The following RPL9 variants were observed in gnomAD, a reference collection of about 807,000 sequenced individuals.
RPL9 encodes large ribosomal subunit protein uL6.
For missense variants in RPL9, 149 were observed against 236.7 expected (o/e 0.63, Z 2.43); for synonymous variants, 82 against 77.1 (o/e 1.06, Z -0.33).
At chr4:39,454,461 A>T in intron 7 of RPL9, 72 bp downstream of exon 7, 3 of 1,119,632 alleles carry the variant, frequency 2.7e-6, no homozygotes, top group Non-Finnish European at 3.8e-6. Context: ...AATTCAGTTT[A>T]AGTCTTTTAG....
intron 4 of RPL9, 168 bp from the exon 5 acceptor site, chr4:39,456,706 G>A: frequency 1.4e-6 from 1 of 725,064 alleles, no homozygotes; most frequent in Non-Finnish European, 2.3e-6. Context: ...TGTCTATTCA[G>A]TGGACTGTAA....
At chr4:39,456,595 T>C (rs979473539) in intron 4 of RPL9, 57 bp from the exon 5 acceptor site, 32 of 1,573,478 alleles carry the variant, frequency 2.0e-5, no homozygotes, top group Non-Finnish European at 2.4e-5. Flanking sequence ...TTTAATAGTT[T>C]TAAAATTTTC....
At chr4:39,454,454 T>C in intron 7 of RPL9, 79 bp downstream of exon 7, 1 of 1,049,356 alleles carries the variant, frequency 9.5e-7, no homozygotes, top group South Asian at 1.6e-5. Context: ...TACTACAAAT[T>C]CAGTTTAAGT....
rs28619925 is a variant in RPL9 at position 39,454,982 on chromosome 4, G to A, written c.392-38C>T. Reference sequence around the variant, plus strand: ...AGGGCATTTGCACAGCATCAAATCTGTGTAAAAAATATTTAAATTGCAGAG... The same window carrying A: ...AGGGCATTTGCACAGCATCAAATCTATGTAAAAAATATTTAAATTGCAGAG... On this transcript the variant is annotated intron_variant, in intron 5 of 7. Transcript: ENST00000295955. The A allele has an allele frequency of 1.3e-3, 2,023 of 1,563,524 alleles. 25 individuals carry two copies. The African/African-American group carries it at 0.025, about 19-fold the overall frequency.
In RPL9 at chr4:39,457,649, C is replaced by T. The variant is rs776591630; in HGVS notation, c.195G>A (p.Lys65=). The T allele has an allele frequency of 4.3e-6, 7 of 1,614,166 alleles. No individual in the cohort carries two copies. Among genetic ancestry groups the T allele is most frequent in the Non-Finnish European group, 5.1e-6 (6 of 1,180,026 alleles). The change falls in exon 4 of 8, where the codon AAG becomes AAA. Residue 65 remains lysine (K), a synonymous_variant. Coordinates refer to ENST00000295955, the MANE Select transcript of RPL9 (RefSeq NM_000661.5). Reference sequence around the variant, plus strand: ...AAATAGTCCGAACGGTAGCCAGTTCCTTTCTGTTACCCCACCATTTGTCAA... The same window carrying T: ...AAATAGTCCGAACGGTAGCCAGTTCTTTTCTGTTACCCCACCATTTGTCAA... ...LRVDKWWGNR[K]ELATVRTICS... is the part of the protein sequence containing the mutation.
rs751902934 is a variant in RPL9, at chr4:39,458,138, G to A, written c.162+56C>T. On this transcript the variant is annotated intron_variant, in intron 3 of 7. Coordinates refer to ENST00000295955, the MANE Select transcript of RPL9 (RefSeq NM_000661.5). ...AATTGTTAAAGCAACCAAATGTGATGCTGTTATAAACCACCTTCCAACGAG... is the reference window on the plus strand; with the variant it reads ...AATTGTTAAAGCAACCAAATGTGATACTGTTATAAACCACCTTCCAACGAG... 1.6e-5 allele frequency: 24 copies of A among 1,542,892 alleles called. No individual in the cohort carries two copies. In the South Asian group the frequency reaches 2.6e-4, roughly 17 times the overall value.
intron 5 of RPL9, chr4:39,455,828 C>T (rs1426218381): frequency 2.8e-5 from 5 of 177,030 alleles, no homozygotes; most frequent in Non-Finnish European, 4.8e-5. Context: ...CTATGTATTA[C>T]GCATGCATTG....
chr4:39,458,480 C>G (rs538308939), intron 1 of RPL9, 40 bp from the exon 2 acceptor site: 3 of 1,606,184 alleles, frequency 1.9e-6, no homozygotes, highest in Admixed American at 3.3e-5. Context: ...ACGCAAGGCC[C>G]GTTTTTCCAC....
At chr4:39,456,235 A>C in intron 5 of RPL9, 171 bp downstream of exon 5, 1 of 684,984 alleles carries the variant, frequency 1.5e-6, no homozygotes, top group Non-Finnish European at 2.5e-6. Flanking sequence ...TAAACCCTTA[A>C]GTAGCACCAA....
intron 1 of RPL9, 197 bp downstream of exon 1, chr4:39,458,694 C>T: frequency 1.6e-6 from 1 of 626,308 alleles, no homozygotes; most frequent in Non-Finnish European, 2.8e-6. Flanking sequence ...GGTGCCATCC[C>T]GGCAAGACTG....
chr4:39,458,006 G>C (rs758107957), intron 3 of RPL9, 188 bp downstream of exon 3: 1 of 719,512 alleles, frequency 1.4e-6, no homozygotes, highest in South Asian at 1.5e-5. Flanking sequence ...TTACATTTGA[G>C]CTTTATATAA....
At position 39,458,433 on chromosome 4, in the gene RPL9, T is replaced by C. The variant is rs772694918; in HGVS notation, c.7A>G (p.Thr3Ala). The C allele has an allele frequency of 3.7e-6, 6 of 1,614,102 alleles. No homozygotes were observed. The highest frequency in any genetic ancestry group is 5.1e-6 in the Non-Finnish European group (6 of 1,180,042). MK[T>A]ILSNQTVDIP... ...TCGACAGTCTGATTGCTGAGAATAG[T>C]CTTCATTCTGAAACACAAACACTGG... The change falls in exon 2 of 8, where the codon ACT (threonine) becomes GCT (alanine). Residue 3 changes from threonine to alanine, a missense_variant. By Grantham distance (58) the Thr-to-Ala change is moderately conservative (BLOSUM62 0). Transcript: ENST00000295955.
chr4:39,458,918 C>T lies in RPL9; in HGVS notation c.-29G>A, dbSNP rs1443829209. On this transcript the variant is annotated 5_prime_UTR_variant, in exon 1 of 8. Transcript: ENST00000295955. ...CGCAGTAGACGCAGCAAAGAAAGAA[C>T]GTCTGTCGTCATTACGTACTTGTAT... 10 of 713,852 alleles carry T rather than the reference C, an allele frequency of 1.4e-5. No homozygotes were observed. The highest frequency in any genetic ancestry group is 2.3e-5 in the Non-Finnish European group (9 of 392,896). The allele number at this position is 713,852 out of a possible 1,614,324, so 44.2% of individuals were successfully genotyped here. A position where few individuals can be genotyped will look rare whatever the true frequency, so the allele number is the denominator to read the frequency against.
chr4:39,458,013 A>G (rs1351995347), intron 3 of RPL9, 181 bp downstream of exon 3: 6 of 725,072 alleles, frequency 8.3e-6, no homozygotes, highest in Middle Eastern at 2.3e-4. Context: ...TGAGCTTTAT[A>G]TAATTGGCTG....
At position 39,458,449 on chromosome 4, in the gene RPL9, C is replaced by CA. The variant is rs760284448; in HGVS notation, c.-1-10dup. 1.2e-6 allele frequency: 2 copies of CA among 1,614,142 alleles called. No homozygotes were observed. Among genetic ancestry groups the CA allele is most frequent in the South Asian group, 1.1e-5 (1 of 91,086 alleles). On this transcript the variant is annotated splice_polypyrimidine_tract_variant and intron_variant, in intron 1 of 7. Transcript: ENST00000295955. Reference sequence around the variant, plus strand: ...TGAGAATAGTCTTCATTCTGAAACACAAACACTGGGGGTGAGGCCGACGCA... The same window carrying CA: ...TGAGAATAGTCTTCATTCTGAAACACAAAACACTGGGGGTGAGGCCGACGCA...
intron 5 of RPL9, 49 bp from the exon 6 acceptor site, chr4:39,454,993 A>T: frequency 6.5e-7 from 1 of 1,540,614 alleles, no homozygotes; most frequent in South Asian, 1.2e-5. Context: ...TGTAAAAAAT[A>T]TTTAAATTGC....
At chr4:39,456,139 GATTTC>G in intron 5 of RPL9, 1 of 457,830 alleles carries the variant, frequency 2.2e-6, no homozygotes, top group Non-Finnish European at 4.1e-6. Context: ...CTTTTTAAAA[GATTTC>G]ATTTGCCAAG....
chr4:39,458,809 G>C, intron 1 of RPL9, 82 bp downstream of exon 1: 1 of 687,878 alleles, frequency 1.5e-6, no homozygotes. Context: ...AAGGTTCCGA[G>C]AGTGGGAGCC....
rs143519900 is a variant in RPL9 at position 39,454,183 on chromosome 4, G to C, written c.*53C>G. On this transcript the variant is annotated 3_prime_UTR_variant, in exon 8 of 8. Transcript: ENST00000295955. ...TTGCATCATTTAAATATCACAAGTA[G>C]GTCTTAAGTGTCATCTGGCATCTTC... The C allele has an allele frequency of 1.1e-4, 18 of 166,504 alleles. No homozygotes were observed. The highest frequency in any genetic ancestry group is 2.6e-5 in the Non-Finnish European group (2 of 76,864). The allele number at this position is 166,504 out of a possible 1,614,324, so 10.3% of individuals were successfully genotyped here.
Sources: allele counts gnomAD v4.1 joint callset, GRCh38; gene constraint gnomAD v4.1.1; transcripts MANE v1.5; gene names NCBI Gene and HGNC (gene_info 2026-07-23, HGNC 2026-07-21).